The following TLK1 variants were observed in gnomAD, a reference collection of about 807,000 sequenced individuals.
TLK1 encodes tousled like kinase 1.
In TLK1, 24 loss-of-function variants were observed where a neutral mutation model predicts 105.3. That is an observed-to-expected ratio of 0.23 (90% CI 0.17 to 0.32). The LOEUF is 0.32. Ranked by LOEUF, TLK1 falls within the 10% of genes least tolerant of loss-of-function variation. The probability of loss-of-function intolerance (pLI) is 1.00; values close to 1 mark genes in which losing one functional copy is unlikely to be tolerated. For synonymous variants in TLK1, 321 were observed against 310.4 expected, an observed-to-expected ratio of 1.03 and a Z score of -0.36; for missense variants, 558 against 910.5, an observed-to-expected ratio of 0.61 and a Z score of 4.98.
chr2:171,062,265 A>G (rs528139321), intron 3 of TLK1, among the ~76,000 whole-genome samples: 1 of 152,340 alleles, frequency 6.6e-6, no homozygotes, highest in East Asian at 1.9e-4. Context: ...CTAATATTTG[A>G]CTGAATGAAT....
intron 18 of TLK1, among the ~76,000 whole-genome samples, chr2:171,002,587 A>T (rs770630929): frequency 6.6e-6 from 1 of 151,928 alleles, no homozygotes; most frequent in Admixed American, 6.6e-5. Context: ...TTTTTCTAAA[A>T]TCACATTACA....
intron 2 of TLK1, among the ~76,000 whole-genome samples, chr2:171,093,593 G>A (rs1254614317): frequency 6.6e-6 from 1 of 151,902 alleles, no homozygotes; most frequent in Non-Finnish European, 1.5e-5. Context: ...GGGCTACAGT[G>A]GTAAGGTAGG....
upstream of TLK1, chr2:171,160,966 A>AGCGGCGGCGGCGGCG (rs546390551): frequency 2.1e-4 from 32 of 155,336 alleles, no homozygotes; most frequent in East Asian, 2.1e-4. The surrounding 1 kb of genome is among the most constrained non-coding windows in gnomAD (Gnocchi z 4.4). Flanking sequence ...CGCCTCCGGT[A>AGCGGCGGCGGCGGCG]GCGGCGGCGG....
At chr2:171,214,770 C>T (rs114063394) in intron 1 of TLK1, among the ~76,000 whole-genome samples, 1,731 of 152,294 alleles carry the variant, frequency 0.011, 29 homozygotes, top group African/African-American at 0.037. Context: ...ATAAGCTGCA[C>T]TTTTATTATT....
At chr2:171,205,346 A>T (rs1343905241) in intron 1 of TLK1, among the ~76,000 whole-genome samples, 3 of 150,344 alleles carry the variant, frequency 2.0e-5, no homozygotes, top group African/African-American at 7.3e-5. Flanking sequence ...TTCCCCCAAC[A>T]GGGTCTTGCT....
At chr2:171,085,462 T>C (rs910859049) in intron 2 of TLK1, among the ~76,000 whole-genome samples, 9 of 152,154 alleles carry the variant, frequency 5.9e-5, no homozygotes, top group African/African-American at 2.2e-4. Flanking sequence ...TGTTGTTTTT[T>C]AAATGTTCAA....
At chr2:171,001,395 G>C (rs1394652297) in intron 18 of TLK1, among the ~76,000 whole-genome samples, 1 of 152,138 alleles carries the variant, frequency 6.6e-6, no homozygotes, top group African/African-American at 2.4e-5. Flanking sequence ...AACCTTAAAA[G>C]GTGATCCCTT....
chr2:171,088,598 G>T (rs545270485), intron 2 of TLK1, among the ~76,000 whole-genome samples: 3 of 152,282 alleles, frequency 2.0e-5, no homozygotes, highest in East Asian at 3.9e-4. Flanking sequence ...CTAAATAAAA[G>T]CTTCGAGGGA....
chr2:171,076,655 T>G (rs1688521438), intron 3 of TLK1, among the ~76,000 whole-genome samples: 2 of 151,136 alleles, frequency 1.3e-5, no homozygotes, highest in Non-Finnish European at 2.9e-5. Context: ...ACCTCAGCAC[T>G]TTGGGAGGCC....
intron 1 of TLK1, among the ~76,000 whole-genome samples, chr2:171,124,320 T>C (rs1185292502): frequency 6.6e-6 from 1 of 152,214 alleles, no homozygotes; most frequent in African/African-American, 2.4e-5. Context: ...CTTGAAATCT[T>C]AGGTTAAATT....
At chr2:171,037,864 C>T (rs1686449583) in intron 11 of TLK1, among the ~76,000 whole-genome samples, 1 of 152,104 alleles carries the variant, frequency 6.6e-6, no homozygotes, top group Admixed American at 6.5e-5. Flanking sequence ...TTATGTCGGC[C>T]TCAGAAAATA....
chr2:171,118,771 A>G (rs1690537444), intron 1 of TLK1, among the ~76,000 whole-genome samples: 1 of 152,204 alleles, frequency 6.6e-6, no homozygotes, highest in Admixed American at 6.5e-5. Flanking sequence ...GACTTGGGGA[A>G]CATTTTTGAA....
chr2:171,182,690 C>T (rs1309964498), intron 1 of TLK1, among the ~76,000 whole-genome samples: 5 of 151,946 alleles, frequency 3.3e-5, no homozygotes, highest in East Asian at 1.9e-4. Context: ...GGGGCTGAGG[C>T]GGGAAGATTG....
intron 1 of TLK1, among the ~76,000 whole-genome samples, chr2:171,195,274 C>T (rs979617796): frequency 6.6e-5 from 10 of 151,978 alleles, no homozygotes; most frequent in Non-Finnish European, 8.8e-5. Flanking sequence ...AAGGCGGAGG[C>T]GGGCGGATCA....
chr2:171,203,284 GTAAA>G (rs1693437502), intron 1 of TLK1, among the ~76,000 whole-genome samples: 1 of 152,010 alleles, frequency 6.6e-6, no homozygotes, highest in Admixed American at 6.6e-5. Context: ...CATATTTTGT[GTAAA>G]TAGTCTTCAG....
chr2:171,160,509 G>T lies in TLK1; in HGVS notation c.-81C>A. On this transcript the variant is annotated 5_prime_UTR_variant, in exon 1 of 21. Coordinates refer to ENST00000431350, the MANE Select transcript of TLK1 (RefSeq NM_012290.5). The surrounding 1 kb of genome is among the most constrained non-coding windows in gnomAD (Gnocchi z 4.4). ...CACCGGCACCCGCCTCCGTCATGGC[G>T]GGGGCCGCGCTGAGGGCGAGCGAGA... is the stretch of plus-strand genomic sequence containing the variant. The T allele has an allele frequency of 6.4e-7, 1 of 1,568,966 alleles. No individual in the cohort carries two copies. The highest frequency in any genetic ancestry group is 8.6e-7 in the Non-Finnish European group (1 of 1,163,268).
At chr2:171,132,554 A>G (rs1250863477) in intron 1 of TLK1, among the ~76,000 whole-genome samples, 1 of 152,250 alleles carries the variant, frequency 6.6e-6, no homozygotes, top group African/African-American at 2.4e-5. Context: ...TATTTTAGTA[A>G]AAGTTTTTTA....
At chr2:171,185,884 G>C in intron 1 of TLK1, among the ~76,000 whole-genome samples, 1 of 152,174 alleles carries the variant, frequency 6.6e-6, no homozygotes, top group Admixed American at 6.6e-5. Flanking sequence ...GTGATAATAA[G>C]AGTTTGAAAA....
chr2:171,178,188 A>G (rs1185388570), intron 1 of TLK1, among the ~76,000 whole-genome samples: 1 of 152,180 alleles, frequency 6.6e-6, no homozygotes, highest in Non-Finnish European at 1.5e-5. Context: ...ACTCTATAAG[A>G]TAGATAATAT....
Sources: gnomAD v4.1 joint callset for allele counts (sites outside exome capture counted in the v4.1 genomes callset) on GRCh38, gnomAD v4.1.1 for gene constraint, Gnocchi (gnomAD v3.1) non-coding constraint, MANE v1.5 for transcripts, NCBI Gene and HGNC (gene_info 2026-07-23, HGNC 2026-07-21) for gene names.